The following IL21R variants were observed in gnomAD, a reference collection of about 807,000 sequenced individuals.
The protein encoded by IL21R is interleukin-21 receptor.
A neutral mutation model predicts 41.3 loss-of-function variants in IL21R; 14 were observed. The ratio of observed to expected loss-of-function variants is 0.34; its 90% CI spans 0.22 to 0.53. IL21R has a LOEUF of 0.53. Among genes scored for constraint, IL21R ranks in the 20% least tolerant of loss-of-function variants. The pLI is 0.94. For missense variants in IL21R, 588 were observed against 681.6 expected (o/e 0.86, Z 1.53); for synonymous variants, 286 against 287.6 (o/e 0.99, Z 0.05).
intron 6 of IL21R, among the ~76,000 whole-genome samples, chr16:27,444,926 CT>C (rs1245517295): frequency 6.6e-6 from 1 of 152,214 alleles, no homozygotes. Flanking sequence ...TTTGATCCCC[CT>C]AACTCTGAAG....
At chr16:27,418,189 C>T (rs2086927370) in intron 1 of IL21R, among the ~76,000 whole-genome samples, 1 of 151,298 alleles carries the variant, frequency 6.6e-6, no homozygotes, top group Non-Finnish European at 1.5e-5. Context: ...CCTGCCTCAG[C>T]CTCCCAAGTA....
intron 4 of IL21R, among the ~76,000 whole-genome samples, chr16:27,440,227 A>ATG (rs1262246387): frequency 4.2e-4 from 21 of 50,542 alleles, no homozygotes; most frequent in Non-Finnish European, 6.0e-4. Flanking sequence ...TGACAAATAT[A>ATG]TATATATATA....
intron 2 of IL21R, among the ~76,000 whole-genome samples, chr16:27,432,183 G>A (rs1273309964): frequency 1.3e-5 from 2 of 152,202 alleles, no homozygotes; most frequent in African/African-American, 2.4e-5. Flanking sequence ...ACCGTAGCAC[G>A]GCCTTCACCA....
rs3093410 is a variant in IL21R at position 27,450,081 on chromosome 16, G to A, written c.*798G>A. The A allele has an allele frequency of 4.6e-4, 106 of 232,674 alleles. No individual in the cohort carries two copies. The highest frequency in any genetic ancestry group is 2.1e-3 in the African/African-American group (97 of 45,390). The allele number at this position is 232,674 out of a possible 1,614,324, so 14.4% of individuals were successfully genotyped here. A position where few individuals can be genotyped will look rare whatever the true frequency, so the allele number is the denominator to read the frequency against. On this transcript the variant is annotated 3_prime_UTR_variant, in exon 9 of 9. Transcript: ENST00000337929. ...TAAACGTCAGCTTCCTTCCTTCTGC[G>A]GCCAGAGCCGAGGCGGGCGGGGGTG...
intron 4 of IL21R, among the ~76,000 whole-genome samples, chr16:27,438,648 G>A (rs2087316521): frequency 6.6e-6 from 1 of 152,178 alleles, no homozygotes; most frequent in Non-Finnish European, 1.5e-5. Context: ...CAGGTGGATC[G>A]TTTGAGGTCA....
Position 27,440,287 on chromosome 16 carries a change from A to AGAGAGCGC in IL21R, c.352+2601_352+2602insAGAGCGCG, listed in dbSNP as rs1479585420. ...GAGAGAGAGAGAGAGAGAGCGAGCA[A>AGAGAGCGC]GCGCGCGCCAGGGTGTAGCTTTGTC... On this transcript the variant is annotated intron_variant, in intron 4 of 8. Transcript: ENST00000337929. Among the ~76,000 whole-genome samples, 11 of 102,706 alleles carry AGAGAGCGC rather than the reference A, an allele frequency of 1.1e-4. 1 individual carries two copies. Among genetic ancestry groups the AGAGAGCGC allele is most frequent in the South Asian group, 2.7e-4 (1 of 3,648 alleles). The allele number at this position is 102,706 out of a possible 152,430, so 67.4% of individuals were successfully genotyped here.
chr16:27,403,369 C>A (rs908384196), intron 1 of IL21R: 2 of 698,390 alleles, frequency 2.9e-6, no homozygotes, highest in Admixed American at 3.2e-5. Context: ...GCAGGAATGA[C>A]GTCTCTGCTC....
intron 4 of IL21R, 50 bp from the exon 5 acceptor site, chr16:27,442,912 C>T (rs762957296): frequency 2.0e-6 from 3 of 1,528,674 alleles, no homozygotes; most frequent in Admixed American, 1.9e-5. Flanking sequence ...ATCCTTTTCA[C>T]CTGCAGCAAA....
intron 1 of IL21R, among the ~76,000 whole-genome samples, chr16:27,408,823 G>A (rs2086785820): frequency 6.6e-6 from 1 of 152,118 alleles, no homozygotes; most frequent in Non-Finnish European, 1.5e-5. Flanking sequence ...GGGTCACATT[G>A]CAGAGAATGG....
intron 1 of IL21R, among the ~76,000 whole-genome samples, chr16:27,427,715 T>C (rs757227424): frequency 6.6e-6 from 1 of 152,160 alleles, no homozygotes; most frequent in South Asian, 2.1e-4. Context: ...GACAGAGCTA[T>C]GTCAGGACTC....
chr16:27,437,420 G>T, intron 3 of IL21R, 68 bp from the exon 4 acceptor site: 1 of 1,299,162 alleles, frequency 7.7e-7, no homozygotes, highest in African/African-American at 1.4e-5. Context: ...CTGGCCCTGA[G>T]CACTGAGCCC....
rs142852354 is a variant in IL21R at position 27,411,758 on chromosome 16, C to T, written c.-17+9140C>T. On this transcript the variant is annotated intron_variant, in intron 1 of 8. Coordinates refer to ENST00000337929, the MANE Select transcript of IL21R (RefSeq NM_181078.3). ...GGATTACAGGTGTGAGCCACCACAC[C>T]CGGCCATTTTTAAATTGAGTTATTT... Among the ~76,000 whole-genome samples the T allele has an allele frequency of 8.0e-4, 122 of 152,116 alleles. 1 individual carries two copies. Among genetic ancestry groups the T allele is most frequent in the African/African-American group, 2.8e-3 (115 of 41,492 alleles).
chr16:27,449,051 G>T lies in IL21R; in HGVS notation c.1385G>T (p.Gly462Val). The T allele has an allele frequency of 1.2e-6, 2 of 1,612,408 alleles. No individual in the cohort carries two copies. Among genetic ancestry groups the T allele is most frequent in the Non-Finnish European group, 1.7e-6 (2 of 1,179,570 alleles). Residue 462 changes from glycine to valine, a missense_variant, in exon 9 of 9, where the codon GGA (glycine) becomes GTA (valine). By Grantham distance (109) the Gly-to-Val change is moderately radical (BLOSUM62 -3). Transcript: ENST00000337929. Reference protein sequence around the residue: ...PLADGEDWAGGLPWGGRSPGG... With the variant: ...PLADGEDWAGVLPWGGRSPGG... ...GCAGATGGGGAGGACTGGGCTGGGG[G>T]ACTGCCCTGGGGTGGCCGGTCACCT...
chr16:27,433,931 G>A (rs1567366226), intron 2 of IL21R, among the ~76,000 whole-genome samples: 1 of 152,138 alleles, frequency 6.6e-6, no homozygotes, highest in African/African-American at 2.4e-5. Context: ...ATGAGGTCCT[G>A]ACCCTCTTGG....
intron 1 of IL21R, 85 bp downstream of exon 1, chr16:27,402,703 C>T (rs148451702): frequency 1.1e-5 from 2 of 174,146 alleles, no homozygotes; most frequent in Non-Finnish European, 2.5e-5. Context: ...CATCTAGTGT[C>T]ACAGTGGGAG....
At chr16:27,434,691 G>A (rs945642214) in intron 3 of IL21R, among the ~76,000 whole-genome samples, 6 of 152,076 alleles carry the variant, frequency 3.9e-5, no homozygotes, top group African/African-American at 7.2e-5. Flanking sequence ...CTGGTTTCCC[G>A]CATGATTTTT....
chr16:27,408,238 T>C (rs975223932), intron 1 of IL21R, among the ~76,000 whole-genome samples: 2 of 152,060 alleles, frequency 1.3e-5, no homozygotes, highest in African/African-American at 4.8e-5. Context: ...GAGCTGCCAT[T>C]TGAATGGGAT....
chr16:27,431,645 G>T (rs933424155), intron 2 of IL21R, among the ~76,000 whole-genome samples: 2 of 151,990 alleles, frequency 1.3e-5, no homozygotes, highest in African/African-American at 4.8e-5. Context: ...TCCGGTGAGG[G>T]GCCCATCTTT....
intron 1 of IL21R, chr16:27,403,359 G>A (rs1045078216): frequency 5.8e-5 from 46 of 792,024 alleles, no homozygotes; most frequent in African/African-American, 2.0e-4. Context: ...AGGACTTGCC[G>A]CAGGAATGAC....
Sources: allele counts gnomAD v4.1 joint callset (sites outside exome capture counted in the v4.1 genomes callset), GRCh38; gene constraint gnomAD v4.1.1; transcripts MANE v1.5; gene names NCBI Gene and HGNC (gene_info 2026-07-23, HGNC 2026-07-21).